Variants in KIF13B observed in about 807,000 individuals in gnomAD.
The protein encoded by KIF13B is kinesin-like protein KIF13B.
Under a neutral mutation model 222.0 loss-of-function variants are expected in KIF13B, and 127 were observed. The ratio of observed to expected loss-of-function variants is 0.57; its 90% CI spans 0.50 to 0.66. KIF13B has a LOEUF of 0.66. KIF13B is among the 30% of genes least tolerant of loss of function. The pLI, the probability that KIF13B is intolerant of heterozygous loss-of-function variation, is 0.00. For missense variants in KIF13B, 2,173 were observed against 2,379.0 expected (o/e 0.91, Z 1.80); for synonymous variants, 976 against 919.0 (o/e 1.06, Z -1.12).
At position 29,180,158 on chromosome 8, in the gene KIF13B, G is replaced by A; in HGVS notation, c.666C>T (p.Ser222=). Residue 222 remains serine, a synonymous_variant, in exon 8 of 40, where the codon TCC becomes TCT. Coordinates refer to ENST00000524189, the MANE Select transcript of KIF13B (RefSeq NM_015254.4). The part of the protein sequence containing the change: ...ATNMNEESSR[S]HAVFKITLTH... ...TGAGGGTGATTTTGAAAACTGCATG[G>A]GATCGGCTACTCTCCTCGTTCATGT... is the stretch of plus-strand genomic sequence containing the variant. 6.2e-7 allele frequency: 1 copy of A among 1,613,910 alleles called. No homozygotes were observed.
intron 3 of KIF13B, among the ~76,000 whole-genome samples, chr8:29,195,522 C>A (rs948363229): frequency 6.6e-6 from 1 of 152,172 alleles, no homozygotes; most frequent in Non-Finnish European, 1.5e-5. Flanking sequence ...AATTACAATT[C>A]AGCCACGGAC....
chr8:29,113,333 C>A, intron 32 of KIF13B, 130 bp downstream of exon 32: 4 of 537,496 alleles, frequency 7.4e-6, no homozygotes, highest in South Asian at 3.1e-5. Flanking sequence ...TAGAAAATTC[C>A]TCTAAAAATC....
intron 2 of KIF13B, among the ~76,000 whole-genome samples, chr8:29,226,368 G>C (rs973984613): frequency 3.9e-5 from 6 of 152,198 alleles, no homozygotes; most frequent in African/African-American, 1.4e-4. Flanking sequence ...CTCACCACCT[G>C]CATTAACAGT....
chr8:29,225,543 G>A (rs967752410), intron 2 of KIF13B, among the ~76,000 whole-genome samples: 2 of 152,048 alleles, frequency 1.3e-5, no homozygotes, highest in Non-Finnish European at 2.9e-5. Context: ...TCAGGAACAG[G>A]TGAAAAAAAC....
upstream of KIF13B, chr8:29,263,236 C>A: frequency 1.9e-6 from 1 of 539,552 alleles, no homozygotes; most frequent in Non-Finnish European, 3.2e-6. Context: ...GGGGCCGCAG[C>A]GAAGGCGGGG....
At chr8:29,221,208 T>G (rs1363227269) in intron 2 of KIF13B, among the ~76,000 whole-genome samples, 2 of 148,150 alleles carry the variant, frequency 1.3e-5, no homozygotes, top group Non-Finnish European at 3.0e-5. Context: ...GTTCAAGCAA[T>G]TCTCCTGCCT....
At chr8:29,126,426 TA>T in intron 26 of KIF13B, 55 bp downstream of exon 26, 2 of 1,122,942 alleles carry the variant, frequency 1.8e-6, no homozygotes, top group Non-Finnish European at 2.6e-6. Context: ...CAGGAATGTG[TA>T]ATTATATACT....
At chr8:29,198,408 G>A (rs910307656) in intron 2 of KIF13B, among the ~76,000 whole-genome samples, 5 of 151,934 alleles carry the variant, frequency 3.3e-5, no homozygotes, top group South Asian at 2.1e-4. Context: ...TGCAACCTCC[G>A]CCTCCTGGGT....
intron 37 of KIF13B, among the ~76,000 whole-genome samples, chr8:29,088,091 CTCTG>C (rs1276975973): frequency 6.6e-6 from 1 of 151,910 alleles, no homozygotes; most frequent in African/African-American, 2.4e-5. Flanking sequence ...CATGGTGAAA[CTCTG>C]TCTGTACTAA....
intron 37 of KIF13B, among the ~76,000 whole-genome samples, chr8:29,092,489 G>C (rs1808343633): frequency 6.6e-6 from 1 of 152,248 alleles, no homozygotes; most frequent in Admixed American, 6.5e-5. Flanking sequence ...GCTGCTCTAA[G>C]TGTTATTACC....
chr8:29,104,000 C>T (rs1299476657), intron 35 of KIF13B, among the ~76,000 whole-genome samples: 1 of 152,134 alleles, frequency 6.6e-6, no homozygotes, highest in Non-Finnish European at 1.5e-5. Flanking sequence ...CTCCCCCCAT[C>T]CTCACCCCAT....
chr8:29,190,380 G>A (rs1813123172), intron 4 of KIF13B: 1 of 152,332 alleles, frequency 6.6e-6, no homozygotes, highest in African/African-American at 2.4e-5. Context: ...AGAGCTTCTG[G>A]ATTGCTAAAC....
chr8:29,200,447 T>G (rs892086151), intron 2 of KIF13B, among the ~76,000 whole-genome samples: 2 of 152,212 alleles, frequency 1.3e-5, no homozygotes, highest in African/African-American at 2.4e-5. Flanking sequence ...TTGAATTATT[T>G]TTGTTGTTGT....
In KIF13B at chr8:29,135,147, G is replaced by A. The variant is rs141046404; in HGVS notation, c.2614-937C>T. 1.3e-3 allele frequency among the ~76,000 whole-genome samples: 200 copies of A among 152,198 alleles called. 2 individuals are homozygous for A. The East Asian group carries it at 0.032, about 25-fold the overall frequency. ...CAGCCTCAATTTTAAGAGTTCAAGCGATCCTCCAGCCTCAGCCTCCCAAGG... is the reference window on the plus strand; with the variant it reads ...CAGCCTCAATTTTAAGAGTTCAAGCAATCCTCCAGCCTCAGCCTCCCAAGG... On this transcript the variant is annotated intron_variant, in intron 21 of 39. Coordinates refer to ENST00000524189, the MANE Select transcript of KIF13B (RefSeq NM_015254.4).
At chr8:29,225,628 T>C (rs1814987129) in intron 2 of KIF13B, among the ~76,000 whole-genome samples, 1 of 152,220 alleles carries the variant, frequency 6.6e-6, no homozygotes, top group African/African-American at 2.4e-5. Context: ...AAGTTCAGTG[T>C]TTCTAAGCAG....
chr8:29,120,045 CT>C (rs1809783896), intron 29 of KIF13B, among the ~76,000 whole-genome samples: 1 of 152,140 alleles, frequency 6.6e-6, no homozygotes, highest in Non-Finnish European at 1.5e-5. Context: ...GATCCTTAAT[CT>C]ACTCTTCCAT....
Position 29,106,827 on chromosome 8 carries a change from C to T in KIF13B, c.4215+1312G>A, listed in dbSNP as rs557381285. Among the ~76,000 whole-genome samples the T allele has an allele frequency of 1.8e-3, 276 of 152,208 alleles. 2 individuals are homozygous for T. The highest frequency in any genetic ancestry group is 5.9e-3 in the African/African-American group (244 of 41,530). On this transcript the variant is annotated intron_variant, in intron 35 of 39. Transcript: ENST00000524189. The stretch of plus-strand genomic sequence containing the variant: ...AGCAGCCAATCTTCTGTCTCTGTCA[C>T]GCTGCCTCGTAGATTTGAAAACGAC...
chr8:29,131,001 A>G (rs2129825789), intron 23 of KIF13B, among the ~76,000 whole-genome samples: 2 of 152,338 alleles, frequency 1.3e-5, no homozygotes, highest in Middle Eastern at 6.8e-3. Context: ...ACAACCAAAC[A>G]AAATCATATC....
At chr8:29,175,473 C>T (rs540626317) in intron 10 of KIF13B, among the ~76,000 whole-genome samples, 5 of 152,316 alleles carry the variant, frequency 3.3e-5, no homozygotes, top group African/African-American at 1.2e-4. Flanking sequence ...CTCCTACCAC[C>T]GCACATTGGC....
Sources: allele counts gnomAD v4.1 joint callset (sites outside exome capture counted in the v4.1 genomes callset), GRCh38; gene constraint gnomAD v4.1.1; transcripts MANE v1.5; gene names NCBI Gene and HGNC (gene_info 2026-07-23, HGNC 2026-07-21).